CCDC102B: variants seen among roughly 807,000 people sequenced by gnomAD.
CCDC102B encodes the protein coiled-coil domain containing 102B.
Under a neutral mutation model 57.4 loss-of-function variants are expected in CCDC102B, and 75 were observed. The observed-to-expected ratio is 1.31, with a 90% CI of 1.08 to 1.58. The LOEUF is 1.58. Among genes scored for constraint, CCDC102B ranks in the 40% most tolerant of loss-of-function variants. The pLI, the probability that CCDC102B is intolerant of heterozygous loss-of-function variation, is 0.00. For missense variants in CCDC102B, 636 were observed against 582.6 expected, an observed-to-expected ratio of 1.09 and a Z score of -0.94; for synonymous variants, 206 against 201.9, an observed-to-expected ratio of 1.02 and a Z score of -0.17.
At chr18:68,869,958 A>G (rs4278842) in intron 4 of CCDC102B, among the ~76,000 whole-genome samples, 14,586 of 152,220 alleles carry the variant, frequency 0.096, 826 homozygotes, top group South Asian at 0.22. Flanking sequence ...CAGTTTTCCC[A>G]GCACTATTTA....
chr18:69,000,690 TAA>T (rs995764712), intron 6 of CCDC102B, among the ~76,000 whole-genome samples: 4 of 152,174 alleles, frequency 2.6e-5, no homozygotes, highest in African/African-American at 9.7e-5. Context: ...AAGAATTATA[TAA>T]GTTATTATAT....
chr18:69,029,084 T>G (rs2014792875), intron 7 of CCDC102B, among the ~76,000 whole-genome samples: 1 of 152,198 alleles, frequency 6.6e-6, no homozygotes, highest in African/African-American at 2.4e-5. Context: ...ATAGAATGTA[T>G]TCACGTGATG....
chr18:68,738,993 C>CTTATTTTTTTTTTTTTTTTTTTTTTT (rs1555695902), intron 2 of CCDC102B, among the ~76,000 whole-genome samples: 1 of 144,976 alleles, frequency 6.9e-6, no homozygotes, highest in African/African-American at 2.6e-5. Context: ...GATGAGCAGC[C>CTTATTTTTTTTTTTTTTTTTTTTTTT]TTTTGTTTTT....
At chr18:68,936,389 T>C (rs1213726573) in intron 6 of CCDC102B, among the ~76,000 whole-genome samples, 1 of 152,064 alleles carries the variant, frequency 6.6e-6, no homozygotes, top group African/African-American at 2.4e-5. Flanking sequence ...TTCCTCTTTG[T>C]TCACCTCTCC....
rs1477981 is a variant in CCDC102B at position 68,761,981 on chromosome 18, G to T, written c.-67+45387G>T. Among the ~76,000 whole-genome samples, 434 of 151,928 alleles carry T rather than the reference G, an allele frequency of 2.9e-3. 1 individual carries two copies. The highest frequency in any genetic ancestry group is 0.01 in the African/African-American group (416 of 41,450). On this transcript the variant is annotated intron_variant, in intron 2 of 3. Transcript: ENST00000578970. ...TGGCGCTAGTTTGTAAGTAATTCCG[G>T]TCTGTTTAAACTTATTTTAGATGGT...
At chr18:68,938,445 A>C (rs1012295347) in intron 6 of CCDC102B, among the ~76,000 whole-genome samples, 6 of 152,058 alleles carry the variant, frequency 3.9e-5, no homozygotes, top group African/African-American at 1.2e-4. Flanking sequence ...CATTTTTGCT[A>C]ATTACAAATG....
chr18:68,925,844 A>C (rs1177414372), intron 6 of CCDC102B, among the ~76,000 whole-genome samples: 1 of 152,014 alleles, frequency 6.6e-6, no homozygotes, highest in Non-Finnish European at 1.5e-5. Flanking sequence ...ACACCAATAC[A>C]ATAGACAGTT....
At chr18:68,943,598 G>T (rs981101985) in intron 6 of CCDC102B, among the ~76,000 whole-genome samples, 1 of 152,126 alleles carries the variant, frequency 6.6e-6, no homozygotes, top group Admixed American at 6.5e-5. Flanking sequence ...CAATAAAGAC[G>T]TTGTTCATTC....
At chr18:68,802,138 A>AC (rs113744447) in intron 1 of CCDC102B, among the ~76,000 whole-genome samples, 9,763 of 152,192 alleles carry the variant, frequency 0.064, 824 homozygotes, top group African/African-American at 0.2. Context: ...TCTGGTTATA[A>AC]CCTGTTCCTA....
chr18:68,790,957 G>A (rs2035437947), intron 2 of CCDC102B, among the ~76,000 whole-genome samples: 1 of 152,198 alleles, frequency 6.6e-6, no homozygotes, highest in Non-Finnish European at 1.5e-5. Flanking sequence ...ATTTCACAGA[G>A]TGTAGGTAAT....
At chr18:68,982,511 A>T (rs1016354647) in intron 6 of CCDC102B, among the ~76,000 whole-genome samples, 1 of 151,718 alleles carries the variant, frequency 6.6e-6, no homozygotes, top group Non-Finnish European at 1.5e-5. Context: ...TTCTTCCCCC[A>T]CTCTATAACA....
At chr18:68,730,907 T>C (rs1450784625) in intron 2 of CCDC102B, among the ~76,000 whole-genome samples, 1 of 152,194 alleles carries the variant, frequency 6.6e-6, no homozygotes, top group East Asian at 1.9e-4. Flanking sequence ...TATTCTGATA[T>C]CTTGATCTTC....
chr18:68,801,479 G>A (rs879317483), intron 1 of CCDC102B, among the ~76,000 whole-genome samples: 6 of 151,952 alleles, frequency 3.9e-5, no homozygotes, highest in African/African-American at 1.4e-4. Flanking sequence ...TTGCTGTTGT[G>A]TGTCATAAAT....
chr18:68,869,765 C>CT (rs1370583700), intron 4 of CCDC102B, among the ~76,000 whole-genome samples: 2 of 152,068 alleles, frequency 1.3e-5, no homozygotes, highest in African/African-American at 4.8e-5. Flanking sequence ...ATTGCAATTG[C>CT]TTTTGGGGTT....
At chr18:68,983,779 GTTAAT>G (rs987296072) in intron 6 of CCDC102B, among the ~76,000 whole-genome samples, 2 of 151,904 alleles carry the variant, frequency 1.3e-5, no homozygotes, top group African/African-American at 4.8e-5. Flanking sequence ...ACAGAATAAA[GTTAAT>G]TTAATGAAAT....
At chr18:68,991,974 A>T (rs1714204185) in intron 6 of CCDC102B, among the ~76,000 whole-genome samples, 1 of 152,240 alleles carries the variant, frequency 6.6e-6, no homozygotes, top group South Asian at 2.1e-4. Flanking sequence ...TGATGTAAAA[A>T]ATATGATCTG....
At chr18:68,928,549 T>A (rs551133659) in intron 6 of CCDC102B, among the ~76,000 whole-genome samples, 21 of 151,828 alleles carry the variant, frequency 1.4e-4, no homozygotes, top group African/African-American at 1.7e-4. Context: ...ATAAAAGGCA[T>A]GCTTTGGATT....
At chr18:68,783,906 T>C (rs747981938) in intron 2 of CCDC102B, among the ~76,000 whole-genome samples, 1 of 152,292 alleles carries the variant, frequency 6.6e-6, no homozygotes, top group Admixed American at 6.5e-5. Context: ...TATAATTGAC[T>C]CAGGTTTAAC....
At chr18:68,993,304 C>T (rs759759924) in intron 6 of CCDC102B, 1 of 152,296 alleles carries the variant, frequency 6.6e-6, no homozygotes, top group Non-Finnish European at 1.5e-5. Flanking sequence ...CTGGCCTAGC[C>T]TCTGAGTGCT....
Sources: allele counts gnomAD v4.1 joint callset (sites outside exome capture counted in the v4.1 genomes callset), GRCh38; gene constraint gnomAD v4.1.1; transcripts MANE v1.5; gene names NCBI Gene and HGNC (gene_info 2026-07-23, HGNC 2026-07-21).